Variants in CCDC7 observed in about 807,000 individuals in gnomAD.
CCDC7 encodes coiled-coil domain-containing protein 7.
Under a neutral mutation model 196.9 loss-of-function variants are expected in CCDC7, and 183 were observed. The ratio of observed to expected loss-of-function variants is 0.93; its 90% CI spans 0.82 to 1.05. The LOEUF (loss-of-function observed/expected upper bound fraction) is 1.05. CCDC7 is among the 50% of genes least tolerant of loss of function. CCDC7 has a pLI of 0.00. For missense variants in CCDC7, 1,540 were observed against 1,482.2 expected, an observed-to-expected ratio of 1.04 and a Z score of -0.64; for synonymous variants, 525 against 484.6, an observed-to-expected ratio of 1.08 and a Z score of -1.10.
rs186401399 is a variant in CCDC7, at chr10:32,521,328, A to G, written c.993+2823A>G. ...TGGGTACTATGGACATTTTAACAATATTGACTCCTCCATCTATGAACATGG... is the reference window on the plus strand; with the variant it reads ...TGGGTACTATGGACATTTTAACAATGTTGACTCCTCCATCTATGAACATGG... On this transcript the variant is annotated intron_variant, in intron 11 of 41. Transcript: ENST00000639629. Among the ~76,000 whole-genome samples the G allele has an allele frequency of 1.4e-4, 21 of 152,246 alleles. No individual in the cohort carries two copies. In the East Asian group the frequency reaches 2.9e-3, roughly 21 times the overall value.
intron 25 of CCDC7, among the ~76,000 whole-genome samples, chr10:32,720,242 G>A (rs1027382368): frequency 2.0e-5 from 3 of 152,208 alleles, no homozygotes; most frequent in South Asian, 2.1e-4. Flanking sequence ...GTCCTTTGCA[G>A]GGACATGGAT....
chr10:32,696,198 G>A lies in CCDC7; in HGVS notation c.2458+1206G>A, dbSNP rs574400213. 7.9e-5 allele frequency among the ~76,000 whole-genome samples: 12 copies of A among 152,186 alleles called. 1 individual carries two copies. The South Asian group carries it at 2.5e-3, about 32-fold the overall frequency. ...CATAACAATAACCCATTCAGTAATG[G>A]GTTCCATAATGATGGAAGTATGTAG... On this transcript the variant is annotated intron_variant, in intron 24 of 41. Coordinates refer to ENST00000639629, the Ensembl canonical transcript of CCDC7.
At chr10:32,748,751 T>G (rs1329248708) in intron 28 of CCDC7, among the ~76,000 whole-genome samples, 1 of 152,168 alleles carries the variant, frequency 6.6e-6, no homozygotes, top group Non-Finnish European at 1.5e-5. Context: ...GTTGGGTATT[T>G]CCCTTCATGT....
chr10:32,843,463 T>C (rs7912137), intron 33 of CCDC7, among the ~76,000 whole-genome samples: 1 of 151,986 alleles, frequency 6.6e-6, no homozygotes, highest in Non-Finnish European at 1.5e-5. Flanking sequence ...GTGAACATCT[T>C]AAAAAACATT....
At chr10:32,772,131 T>C (rs1455184498) in intron 28 of CCDC7, among the ~76,000 whole-genome samples, 2 of 152,220 alleles carry the variant, frequency 1.3e-5, no homozygotes, top group Non-Finnish European at 1.5e-5. Context: ...TGAGTCTCCC[T>C]GTGCAGGGCA....
At chr10:32,818,262 G>C (rs1281671770) in intron 31 of CCDC7, among the ~76,000 whole-genome samples, 1 of 152,224 alleles carries the variant, frequency 6.6e-6, no homozygotes, top group Non-Finnish European at 1.5e-5. Context: ...TAATGGTAAA[G>C]AGATCAATTC....
rs183184298 is a variant in CCDC7, at chr10:32,577,614, G to A, written c.1455-5420G>A. Among the ~76,000 whole-genome samples, 134 of 152,268 alleles carry A rather than the reference G, an allele frequency of 8.8e-4. 1 individual carries two copies. The highest frequency in any genetic ancestry group is 3.2e-3 in the African/African-American group (132 of 41,536). On this transcript the variant is annotated intron_variant, in intron 16 of 41. Coordinates refer to ENST00000639629, the Ensembl canonical transcript of CCDC7. The stretch of plus-strand genomic sequence containing the variant: ...TAAGATTTTATGACCTTTGAGAGAG[G>A]CTTTTCCATTAGTGAATCATGCTTT...
chr10:32,477,822 G>T (rs1377742048), intron 8 of CCDC7, among the ~76,000 whole-genome samples: 1 of 151,804 alleles, frequency 6.6e-6, no homozygotes, highest in East Asian at 1.9e-4. Context: ...GACTTCTCTG[G>T]GTCTATTAAA....
chr10:32,523,806 T>C (rs1030392079), intron 11 of CCDC7, among the ~76,000 whole-genome samples: 1 of 152,184 alleles, frequency 6.6e-6, no homozygotes, highest in African/African-American at 2.4e-5. Context: ...CCTGCTTTTT[T>C]TTTGGTTTCC....
intron 20 of CCDC7, among the ~76,000 whole-genome samples, chr10:32,659,001 C>A (rs1047165562): frequency 2.7e-5 from 4 of 147,732 alleles, no homozygotes; most frequent in African/African-American, 9.7e-5. Flanking sequence ...TTTTGTTGAC[C>A]ATTTCTAGAG....
At chr10:32,630,270 T>C (rs1417166036) in intron 18 of CCDC7, among the ~76,000 whole-genome samples, 1 of 152,098 alleles carries the variant, frequency 6.6e-6, no homozygotes, top group African/African-American at 2.4e-5. Context: ...AGTGTAAAAG[T>C]TGGGTACCAT....
At chr10:32,681,566 C>T (rs1041663709) in intron 21 of CCDC7, among the ~76,000 whole-genome samples, 4 of 152,072 alleles carry the variant, frequency 2.6e-5, no homozygotes, top group Non-Finnish European at 5.9e-5. Flanking sequence ...TTCAAGACTG[C>T]GACTACCTCC....
intron 24 of CCDC7, among the ~76,000 whole-genome samples, chr10:32,700,821 T>A (rs1387826235): frequency 6.6e-6 from 1 of 152,216 alleles, no homozygotes; most frequent in Non-Finnish European, 1.5e-5. Flanking sequence ...GAAGCAAATG[T>A]GAATGGGAAT....
In CCDC7 at chr10:32,588,194, G is replaced by T. The variant is rs181626195; in HGVS notation, c.1801+3890G>T. ...AAATCCCCAGCTTTCAGAACTGTAA[G>T]AAATAAATTTCTTTTCTTTACAAAT... is the stretch of plus-strand genomic sequence containing the variant. On this transcript the variant is annotated intron_variant, in intron 18 of 41. Transcript: ENST00000639629. 5.3e-4 allele frequency among the ~76,000 whole-genome samples: 81 copies of T among 152,230 alleles called. 1 individual carries two copies. Among genetic ancestry groups the T allele is most frequent in the Non-Finnish European group, 8.8e-5 (6 of 68,002 alleles).
intron 13 of CCDC7, among the ~76,000 whole-genome samples, chr10:32,556,005 T>C (rs1031753195): frequency 4.6e-5 from 7 of 152,302 alleles, no homozygotes; most frequent in Non-Finnish European, 8.8e-5. Context: ...CTGAAAGATC[T>C]CTGGAGGCCT....
chr10:32,754,938 T>C (rs532908679), intron 28 of CCDC7, among the ~76,000 whole-genome samples: 1 of 152,242 alleles, frequency 6.6e-6, no homozygotes, highest in South Asian at 2.1e-4. Context: ...GCTTTTCCAA[T>C]GGTCTTAGCA....
At chr10:32,595,326 T>A (rs980546605) in intron 18 of CCDC7, among the ~76,000 whole-genome samples, 1 of 152,226 alleles carries the variant, frequency 6.6e-6, no homozygotes, top group Admixed American at 6.5e-5. Flanking sequence ...ATTTTCTAGT[T>A]TATTTGCGTA....
chr10:32,759,128 T>C (rs896583199), intron 28 of CCDC7, among the ~76,000 whole-genome samples: 1 of 152,200 alleles, frequency 6.6e-6, no homozygotes, highest in East Asian at 1.9e-4. Flanking sequence ...TCCATGCTCA[T>C]GGATAGGAAG....
intron 24 of CCDC7, among the ~76,000 whole-genome samples, chr10:32,705,609 A>C (rs1270499227): frequency 6.6e-6 from 1 of 152,128 alleles, no homozygotes; most frequent in Non-Finnish European, 1.5e-5. Context: ...GCTCAAAATA[A>C]AGGGATGGAG....
Sources: gnomAD v4.1 joint callset for allele counts (sites outside exome capture counted in the v4.1 genomes callset) on GRCh38, gnomAD v4.1.1 for gene constraint, MANE v1.5 for transcripts, NCBI Gene and HGNC (gene_info 2026-07-23, HGNC 2026-07-21) for gene names.